Variants in RNF135 observed in about 807,000 individuals in gnomAD.
The protein encoded by RNF135 is E3 ubiquitin-protein ligase RNF135.
A neutral mutation model predicts 41.9 loss-of-function variants in RNF135; 46 were observed. The ratio of observed to expected loss-of-function variants is 1.10; its 90% CI spans 0.87 to 1.40. The LOEUF (loss-of-function observed/expected upper bound fraction) is 1.40. RNF135 is among the 40% of genes most tolerant of loss of function. The probability of loss-of-function intolerance (pLI) is 0.00; values close to 1 mark genes in which losing one functional copy is unlikely to be tolerated. For synonymous variants in RNF135, 238 were observed against 223.8 expected, an observed-to-expected ratio of 1.06 and a Z score of -0.57; for missense variants, 539 against 549.8, an observed-to-expected ratio of 0.98 and a Z score of 0.20.
At chr17:30,959,739 G>A in the RNF135 span, 1 of 152,226 alleles carries the variant, frequency 6.6e-6, no homozygotes, top group Admixed American at 6.5e-5. Context: ...CTAAGGAGGG[G>A]TGAACTGGCC....
Position 30,993,930 on chromosome 17 carries a change from A to G in RNF135, c.680-3312A>G. On this transcript the variant is annotated intron_variant, in intron 3 of 4. Transcript: ENST00000328381. ...GTGATCTTCCTTCCTAAGACTCCCA[A>G]GTAGCTGGGACTACAGGCATGTGCC... The G allele has an allele frequency of 1.7e-6, 1 of 590,194 alleles. No individual in the cohort carries two copies. Among genetic ancestry groups the G allele is most frequent in the African/African-American group, 1.9e-5 (1 of 52,480 alleles). The allele number at this position is 590,194 out of a possible 1,614,324, so 36.6% of individuals were successfully genotyped here. A position where few individuals can be genotyped will look rare whatever the true frequency, so the allele number is the denominator to read the frequency against.
rs1567737253 is a variant in RNF135 at position 30,974,691 on chromosome 17, T to TTA, written c.372+3247_372+3248insAT. Among the ~76,000 whole-genome samples the TTA allele has an allele frequency of 3.8e-4, 57 of 148,680 alleles. 1 individual carries two copies. Among genetic ancestry groups the TTA allele is most frequent in the African/African-American group, 1.4e-3 (54 of 38,726 alleles). ...TTTTATTATTATTATTATTATTATT[T>TTA]TTTTTTGAGACAGAGTCTTGTTCTG... On this transcript the variant is annotated intron_variant, in intron 1 of 4. Transcript: ENST00000328381.
chr17:30,963,994 A>G, the RNF135 span, among the ~76,000 whole-genome samples: 1 of 152,190 alleles, frequency 6.6e-6, no homozygotes, highest in East Asian at 1.9e-4. Flanking sequence ...ATGTTTGGGC[A>G]TTTGAATCAT....
At chr17:30,970,960 G>GAA, upstream of RNF135, 1 of 1,445,658 alleles carries the variant, frequency 6.9e-7, no homozygotes, top group Non-Finnish European at 9.3e-7. Context: ...GGAAGGAGGA[G>GAA]AAAAGGCGGC....
upstream of RNF135, chr17:30,969,312 C>T (rs1327620226): frequency 6.6e-6 from 1 of 152,192 alleles, no homozygotes; most frequent in Non-Finnish European, 1.5e-5. Flanking sequence ...TACTCCGATG[C>T]GGAGATTCTA....
At position 30,999,208 on chromosome 17, in the gene RNF135, A is replaced by G; in HGVS notation, c.*17A>G. On this transcript the variant is annotated 3_prime_UTR_variant, in exon 5 of 5. Transcript: ENST00000328381. ...AAGGTGTAAGGTTTCCTAAGGGATT[A>G]CAACACAGTGGTTTCCTGGTCTCTC... The G allele has an allele frequency of 3.7e-6, 6 of 1,610,016 alleles. No individual in the cohort carries two copies. The highest frequency in any genetic ancestry group is 5.1e-6 in the Non-Finnish European group (6 of 1,179,728).
chr17:30,961,837 C>T, the RNF135 span, among the ~76,000 whole-genome samples: 1 of 152,168 alleles, frequency 6.6e-6, no homozygotes, highest in Non-Finnish European at 1.5e-5. Flanking sequence ...AAAAAATACA[C>T]CCCTGGGTGG....
intron 1 of RNF135, 49 bp downstream of exon 1, chr17:30,971,494 C>A: frequency 6.9e-7 from 1 of 1,441,306 alleles, no homozygotes; most frequent in Non-Finnish European, 9.0e-7. Flanking sequence ...GGCTGCCCGC[C>A]GCCTGACCCT....
At chr17:30,996,717 C>G (rs1426154994) in intron 3 of RNF135, among the ~76,000 whole-genome samples, 1 of 152,184 alleles carries the variant, frequency 6.6e-6, no homozygotes, top group Non-Finnish European at 1.5e-5. Flanking sequence ...TCATTGCACT[C>G]TAGCACACAT....
At chr17:30,970,955 G>C (rs1905840967), upstream of RNF135, 1 of 1,386,414 alleles carries the variant, frequency 7.2e-7, no homozygotes, top group Admixed American at 2.0e-5. Flanking sequence ...GCCAAGGAAG[G>C]AGGAGAAAAG....
At chr17:30,977,202 A>G (rs1454987531) in intron 1 of RNF135, among the ~76,000 whole-genome samples, 1 of 152,214 alleles carries the variant, frequency 6.6e-6, no homozygotes, top group Non-Finnish European at 1.5e-5. Flanking sequence ...TGCATGAACT[A>G]CCTAACAAGC....
chr17:30,981,175 CA>C (rs1907116299), intron 1 of RNF135, among the ~76,000 whole-genome samples: 1 of 149,822 alleles, frequency 6.7e-6, no homozygotes. Flanking sequence ...CCGGCCAACA[CA>C]GCGAAACCCC....
the RNF135 span, among the ~76,000 whole-genome samples, chr17:30,961,761 G>A: frequency 6.6e-6 from 1 of 151,952 alleles, no homozygotes. Flanking sequence ...ACCGCGCCCG[G>A]CCCTGACAGC....
chr17:30,994,898 A>C (rs1322802587), intron 3 of RNF135, among the ~76,000 whole-genome samples: 3 of 150,092 alleles, frequency 2.0e-5, no homozygotes, highest in African/African-American at 7.3e-5. Flanking sequence ...TCGGCCTCCC[A>C]AAGTGCTGGG....
At chr17:30,990,294 G>T (rs1219736517) in intron 3 of RNF135, among the ~76,000 whole-genome samples, 1 of 152,004 alleles carries the variant, frequency 6.6e-6, no homozygotes, top group Non-Finnish European at 1.5e-5. Flanking sequence ...AGGCCAAGGA[G>T]GGTGGATCAC....
upstream of RNF135, among the ~76,000 whole-genome samples, chr17:30,968,505 C>A (rs1905649488): frequency 6.6e-6 from 1 of 151,618 alleles, no homozygotes; most frequent in Admixed American, 6.6e-5. Flanking sequence ...CCTCCCTCAG[C>A]CTCCTGAGTA....
At chr17:30,975,384 A>C (rs1906355816) in intron 1 of RNF135, 2 of 759,142 alleles carry the variant, frequency 2.6e-6, no homozygotes, top group South Asian at 2.7e-5. Flanking sequence ...CTGGATTAGA[A>C]GATGCCAGGC....
intron 3 of RNF135, among the ~76,000 whole-genome samples, chr17:30,993,650 T>G (rs1297252810): frequency 2.0e-5 from 3 of 152,108 alleles, no homozygotes; most frequent in Non-Finnish European, 2.9e-5. Context: ...CATGGTTAAG[T>G]GTAGATTATT....
intron 1 of RNF135, among the ~76,000 whole-genome samples, chr17:30,981,312 A>G (rs1460336397): frequency 6.9e-6 from 1 of 145,812 alleles, no homozygotes; most frequent in East Asian, 2.0e-4. Flanking sequence ...TGGCAGCAGT[A>G]CCGTCCAGCT....
Sources: gnomAD v4.1 joint callset for allele counts (sites outside exome capture counted in the v4.1 genomes callset) on GRCh38, gnomAD v4.1.1 for gene constraint, MANE v1.5 for transcripts, NCBI Gene and HGNC (gene_info 2026-07-23, HGNC 2026-07-21) for gene names.